The following WDR12 variants were observed in gnomAD, a reference collection of about 807,000 sequenced individuals.
WDR12 encodes the protein ribosome biogenesis protein WDR12.
In WDR12, 42 loss-of-function variants were observed where a neutral mutation model predicts 64.3. That is an observed-to-expected ratio of 0.65 (90% confidence interval 0.51 to 0.84). The LOEUF is 0.84. WDR12 is among the 40% of genes least tolerant of loss of function. The pLI, the probability that WDR12 is intolerant of heterozygous loss-of-function variation, is 0.00. For synonymous variants in WDR12, 158 were observed against 173.3 expected (o/e 0.91, Z 0.70); for missense variants, 469 against 494.6 (o/e 0.95, Z 0.49).
At position 202,894,058 on chromosome 2, in the gene WDR12, T is replaced by C. The variant is rs138263701; in HGVS notation, c.655+523A>G. Among the ~76,000 whole-genome samples the C allele has an allele frequency of 5.1e-3, 772 of 152,160 alleles. 3 individuals are homozygous for C. The highest frequency in any genetic ancestry group is 0.017 in the African/African-American group (714 of 41,504). ...TATTTATGTCCTATTGCACCAAACA[T>C]GTTTTTGATACTTGCAATTCAGTGA... On this transcript the variant is annotated intron_variant, in intron 7 of 12. Coordinates refer to ENST00000261015, the MANE Select transcript of WDR12 (RefSeq NM_018256.4).
Position 202,879,453 on chromosome 2 carries a change from C to T in WDR12, c.*1407G>A, listed in dbSNP as rs918932348. The T allele has an allele frequency of 1.3e-5, 2 of 152,170 alleles. No homozygotes were observed. Among genetic ancestry groups the T allele is most frequent in the Admixed American group, 1.3e-4 (2 of 15,274 alleles). 9.4% of individuals were successfully genotyped at this position (152,170 alleles called of 1,614,324 possible). ...GTCTTTATTTTGAGATAGAGTCTGG[C>T]TCTGCTGCCCAGGCTGGAGCACAGT... On this transcript the variant is annotated 3_prime_UTR_variant, in exon 13 of 13. Transcript: ENST00000261015.
chr2:202,885,884 AC>A (rs1159149173), intron 8 of WDR12, among the ~76,000 whole-genome samples: 1 of 151,966 alleles, frequency 6.6e-6, no homozygotes, highest in South Asian at 2.1e-4. Flanking sequence ...ACATAGTAAG[AC>A]CCCGTCTCTA....
At chr2:202,895,517 C>CTTTTT (rs901435872) in intron 6 of WDR12, among the ~76,000 whole-genome samples, 84 of 111,494 alleles carry the variant, frequency 7.5e-4, no homozygotes, top group South Asian at 1.2e-3. Flanking sequence ...TCATTTCTTT[C>CTTTTT]TTTTTTTTTT....
Position 202,906,439 on chromosome 2 carries a change from AATT to A in WDR12, c.136+1423_136+1425del, listed in dbSNP as rs567870874. Among the ~76,000 whole-genome samples, 825 of 152,358 alleles carry A rather than the reference AATT, an allele frequency of 5.4e-3. 7 individuals are homozygous for A. Among genetic ancestry groups the A allele is most frequent in the Middle Eastern group, 0.014 (4 of 294 alleles). On this transcript the variant is annotated intron_variant, in intron 2 of 12. Coordinates refer to ENST00000261015, the MANE Select transcript of WDR12 (RefSeq NM_018256.4). ...AACATCACCTCAAATTTCACAAAAAAATTATGTGATTATTTGAAGACGAAGATG... is the reference window on the plus strand; with the variant it reads ...AACATCACCTCAAATTTCACAAAAAAATGTGATTATTTGAAGACGAAGATG...
chr2:202,906,071 C>A (rs1033684243), intron 2 of WDR12, among the ~76,000 whole-genome samples: 1 of 152,066 alleles, frequency 6.6e-6, no homozygotes, highest in African/African-American at 2.4e-5. Flanking sequence ...GTGATGGATA[C>A]CTCATTTACC....
At chr2:202,898,233 C>T (rs1688287388) in intron 4 of WDR12, among the ~76,000 whole-genome samples, 1 of 152,018 alleles carries the variant, frequency 6.6e-6, no homozygotes, top group Non-Finnish European at 1.5e-5. Context: ...TCACTGCAAC[C>T]TCTGCCTCCT....
At position 202,906,701 on chromosome 2, in the gene WDR12, A is replaced by G. The variant is rs76659119; in HGVS notation, c.136+1164T>C. On this transcript the variant is annotated intron_variant, in intron 2 of 12. Coordinates refer to ENST00000261015, the MANE Select transcript of WDR12 (RefSeq NM_018256.4). ...CAAATGGTGAAACCCCGTTTCTACT[A>G]AAAGTACAAAAAATTAGCCAGGCAT... Among the ~76,000 whole-genome samples, 475 of 152,296 alleles carry G rather than the reference A, an allele frequency of 3.1e-3. 4 individuals are homozygous for G. The highest frequency in any genetic ancestry group is 0.01 in the African/African-American group (419 of 41,562).
In WDR12 at chr2:202,897,912, T is replaced by A. The variant is rs1373067820; in HGVS notation, c.339-497A>T. ...TCAAAAAAAAAAAAAAAAAAAAATA[T>A]ATATATATATATAAAAAATATATAT... is the stretch of plus-strand genomic sequence containing the variant. On this transcript the variant is annotated intron_variant, in intron 4 of 12. Transcript: ENST00000261015. Among the ~76,000 whole-genome samples the A allele has an allele frequency of 2.3e-3, 267 of 116,642 alleles. 1 individual carries two copies. The highest frequency in any genetic ancestry group is 2.9e-3 in the Non-Finnish European group (152 of 52,572). 76.5% of individuals were successfully genotyped at this position (116,642 alleles called of 152,430 possible).
In WDR12 at chr2:202,905,880, T is replaced by C. The variant is rs180725713; in HGVS notation, c.136+1985A>G. Among the ~76,000 whole-genome samples the C allele has an allele frequency of 3.6e-3, 544 of 152,174 alleles. 2 individuals carry two copies. The highest frequency in any genetic ancestry group is 5.5e-3 in the Non-Finnish European group (376 of 68,014). ...AGTTACCAGACACTGAGAAGGGTAG[T>C]GGGGGAAGTGAGAGGCAAGTGGAAA... On this transcript the variant is annotated intron_variant, in intron 2 of 12. Coordinates refer to ENST00000261015, the MANE Select transcript of WDR12 (RefSeq NM_018256.4).
intron 12 of WDR12, among the ~76,000 whole-genome samples, chr2:202,881,975 AC>A (rs1687958452): frequency 6.6e-6 from 1 of 152,120 alleles, no homozygotes; most frequent in Non-Finnish European, 1.5e-5. Flanking sequence ...TCACTCTGTT[AC>A]CCAGGCTAGA....
rs1187187037 is a variant in WDR12, at chr2:202,878,690, A to C, written c.*2170T>G. On this transcript the variant is annotated 3_prime_UTR_variant, in exon 13 of 13. Transcript: ENST00000261015. ...TGGTTCAATACACTGTTTAGCTCTC[A>C]ACTGCAGCCAAGTTTAGATATTGTT... 1 of 151,718 alleles carries C rather than the reference A, an allele frequency of 6.6e-6. No individual in the cohort carries two copies. The highest frequency in any genetic ancestry group is 2.4e-5 in the African/African-American group (1 of 41,420). 9.4% of individuals were successfully genotyped at this position (151,718 alleles called of 1,614,324 possible). A position where few individuals can be genotyped will look rare whatever the true frequency, so the allele number is the denominator to read the frequency against.
rs1367814108 is a variant in WDR12 at position 202,875,123 on chromosome 2, A to C, written c.*5737T>G. 6.6e-6 allele frequency: 1 copy of C among 152,174 alleles called. No homozygotes were observed. The highest frequency in any genetic ancestry group is 1.5e-5 in the Non-Finnish European group (1 of 68,016). The allele number at this position is 152,174 out of a possible 1,614,324, so 9.4% of individuals were successfully genotyped here. ...TTACATACCTTCACACTAGGTACTT[A>C]ACCTGTCTGCATTGTGGTTTCCTTT... On this transcript the variant is annotated 3_prime_UTR_variant, in exon 13 of 13. Transcript: ENST00000261015.
At chr2:202,889,262 G>C (rs1164249244) in intron 8 of WDR12, among the ~76,000 whole-genome samples, 3 of 152,196 alleles carry the variant, frequency 2.0e-5, no homozygotes, top group Non-Finnish European at 4.4e-5. Flanking sequence ...TATCAGCAAA[G>C]TAGAGTGGGA....
At chr2:202,889,037 A>G (rs373830737) in intron 8 of WDR12, among the ~76,000 whole-genome samples, 1 of 152,154 alleles carries the variant, frequency 6.6e-6, no homozygotes. Flanking sequence ...CAACATTTTC[A>G]TTGTAATTGG....
intron 8 of WDR12, among the ~76,000 whole-genome samples, chr2:202,885,823 G>A (rs967092702): frequency 6.6e-6 from 1 of 152,124 alleles, no homozygotes; most frequent in Non-Finnish European, 1.5e-5. Context: ...GCTTTGGGAG[G>A]CTGAAGCAGG....
rs1198300722 is a variant in WDR12 at position 202,899,034 on chromosome 2, T to G, written c.338+497A>C. 3.0e-4 allele frequency among the ~76,000 whole-genome samples: 8 copies of G among 26,620 alleles called. No homozygotes were observed. The South Asian group carries it at 0.012, about 41-fold the overall frequency. The allele number at this position is 26,620 out of a possible 152,430, so 17.5% of individuals were successfully genotyped here. A position where few individuals can be genotyped will look rare whatever the true frequency, so the allele number is the denominator to read the frequency against. ...GTACCTATTAATAAATACCTGTGGT[T>G]TTTTTTTTTTTTTTTTTTTTTTTTT... On this transcript the variant is annotated intron_variant, in intron 4 of 12. Transcript: ENST00000261015.
chr2:202,883,959 C>T (rs1302394393), intron 10 of WDR12, among the ~76,000 whole-genome samples: 3 of 151,968 alleles, frequency 2.0e-5, no homozygotes, highest in Admixed American at 1.3e-4. Flanking sequence ...ATTACAGGCA[C>T]GCGCCACCAC....
chr2:202,892,707 G>A lies in WDR12; in HGVS notation c.656-5C>T, dbSNP rs770290574. The A allele has an allele frequency of 4.4e-6, 7 of 1,602,970 alleles. No individual in the cohort carries two copies. The South Asian group carries it at 7.7e-5, about 18-fold the overall frequency. On this transcript the variant is annotated splice_region_variant and splice_polypyrimidine_tract_variant and intron_variant, in intron 7 of 12. Transcript: ENST00000261015. ...CATCTTCTTCATCTGTAGGGACTGT[G>A]TCATAGAGAATTAGATTTGACATTT...
Position 202,911,541 on chromosome 2 carries a change from C to T in WDR12, c.-65G>A. ...GTTAGCAGACCCACAACACGAAGCTCCTGCCTTTTAAGACTACAAAGAGGC... is the reference window on the plus strand; with the variant it reads ...GTTAGCAGACCCACAACACGAAGCTTCTGCCTTTTAAGACTACAAAGAGGC... On this transcript the variant is annotated 5_prime_UTR_variant, in exon 1 of 13. Transcript: ENST00000261015. 2 of 1,501,274 alleles carry T rather than the reference C, an allele frequency of 1.3e-6. No homozygotes were observed. The highest frequency in any genetic ancestry group is 1.9e-6 in the Non-Finnish European group (2 of 1,077,288). 93.0% of individuals were successfully genotyped at this position (1,501,274 alleles called of 1,614,324 possible).
Sources: allele counts gnomAD v4.1 joint callset (sites outside exome capture counted in the v4.1 genomes callset), GRCh38; gene constraint gnomAD v4.1.1; transcripts MANE v1.5; gene names NCBI Gene and HGNC (gene_info 2026-07-23, HGNC 2026-07-21).